RIMBP2: variants seen among roughly 807,000 people sequenced by gnomAD.
The protein encoded by RIMBP2 is RIMS-binding protein 2.
In RIMBP2, 48 loss-of-function variants were observed where a neutral mutation model predicts 118.6. The ratio of observed to expected loss-of-function variants is 0.40; its 90% confidence interval spans 0.32 to 0.51. The LOEUF is 0.51. Ranked by LOEUF, RIMBP2 falls within the 20% of genes least tolerant of loss-of-function variation. RIMBP2 has a pLI of 0.41. For synonymous variants in RIMBP2, 762 were observed against 742.9 expected (o/e 1.03, Z -0.42); for missense variants, 1,551 against 1,768.3 (o/e 0.88, Z 2.20).
intron 2 of RIMBP2, among the ~76,000 whole-genome samples, chr12:130,626,173 A>C (rs137962726): frequency 2.2e-4 from 34 of 152,362 alleles, no homozygotes; most frequent in African/African-American, 8.2e-4. Context: ...TATATCCTAC[A>C]TTGGAAAGAG....
At chr12:130,635,284 C>T (rs1481464929) in intron 1 of RIMBP2, among the ~76,000 whole-genome samples, 1 of 152,170 alleles carries the variant, frequency 6.6e-6, no homozygotes, top group Admixed American at 6.5e-5. Flanking sequence ...ACTGTCACTC[C>T]AGGAGGGGAG....
chr12:130,483,854 G>A (rs59068957), intron 4 of RIMBP2, among the ~76,000 whole-genome samples: 12,630 of 121,056 alleles, frequency 0.1, 1,271 homozygotes, highest in African/African-American at 0.25. Context: ...CACGGTGCCC[G>A]GAGCCCCCAC....
intron 1 of RIMBP2, among the ~76,000 whole-genome samples, chr12:130,635,368 T>C (rs12822490): frequency 0.057 from 8,605 of 152,284 alleles, 311 homozygotes; most frequent in Non-Finnish European, 0.078. Flanking sequence ...CTTGTTGAGA[T>C]GCCAAATGAA....
rs185080600 is a variant in RIMBP2, at chr12:130,424,759, C to T, written c.2512G>A (p.Ala838Thr). The T allele has an allele frequency of 7.5e-5, 92 of 1,232,550 alleles. 1 individual carries two copies. The Admixed American group carries it at 3.5e-3, about 47-fold the overall frequency. The allele number at this position is 1,232,550 out of a possible 1,614,324, so 76.4% of individuals were successfully genotyped here. A position where few individuals can be genotyped will look rare whatever the true frequency, so the allele number is the denominator to read the frequency against. Residue 838 changes from alanine (A) to threonine (T), a missense_variant, in exon 16 of 23, where the codon GCG becomes ACG. Ala to Thr is a moderately conservative substitution (Grantham distance 58). Around this residue, in one of 5 missense-constraint regions of RIMBP2, gnomAD observed 1,038 missense variants for 1,125.1 expected, o/e 0.92. Transcript: ENST00000690449. The surrounding 1 kb of genome is among the most constrained non-coding windows in gnomAD (Gnocchi z 9.8). Reference sequence around the variant, plus strand: ...CCACAGCACTCTCCGTCCTCTTCCGCTACTTCGGGGATACTGAAAAGTCTC... The same window carrying T: ...CCACAGCACTCTCCGTCCTCTTCCGTTACTTCGGGGATACTGAAAAGTCTC... Reference protein sequence around the residue: ...RKRLFSIPEVAEEDGECCGLL... With the variant: ...RKRLFSIPEVTEEDGECCGLL...
intron 13 of RIMBP2, among the ~76,000 whole-genome samples, chr12:130,435,314 G>T (rs1419497947): frequency 6.6e-6 from 1 of 152,114 alleles, no homozygotes; most frequent in African/African-American, 2.4e-5. Flanking sequence ...AAACTACTGG[G>T]ATTACAGGCA....
chr12:130,469,663 T>C lies in RIMBP2; in HGVS notation c.153+1030A>G, dbSNP rs1342893880. ...GGATGATAATGATGAAACCTTTTCC[T>C]GTGGGAGGAATAGACTTTAAAAGGC... is the stretch of plus-strand genomic sequence containing the variant. On this transcript the variant is annotated intron_variant, in intron 6 of 22. Coordinates refer to ENST00000690449, the MANE Select transcript of RIMBP2 (RefSeq NM_001393629.1). This position sits in a 1 kb window ranked among gnomAD's most constrained non-coding sequence, Gnocchi z 4.8. Among the ~76,000 whole-genome samples, 1 of 152,174 alleles carries C rather than the reference T, an allele frequency of 6.6e-6. No individual in the cohort carries two copies. The highest frequency in any genetic ancestry group is 6.5e-5 in the Admixed American group (1 of 15,292).
intron 9 of RIMBP2, among the ~76,000 whole-genome samples, chr12:130,448,317 C>T (rs1301415444): frequency 1.3e-5 from 2 of 152,150 alleles, no homozygotes; most frequent in Non-Finnish European, 2.9e-5. Context: ...TAGGGCAGCT[C>T]CCCCCAGAAA....
intron 2 of RIMBP2, among the ~76,000 whole-genome samples, chr12:130,598,346 T>A (rs1313919914): frequency 2.0e-5 from 3 of 151,440 alleles, no homozygotes; most frequent in Admixed American, 1.3e-4. Flanking sequence ...CCTGTCAAAA[T>A]CCAATTATGC....
intron 2 of RIMBP2, among the ~76,000 whole-genome samples, chr12:130,553,279 C>T (rs1025713137): frequency 2.0e-5 from 3 of 152,084 alleles, no homozygotes; most frequent in Admixed American, 1.3e-4. Context: ...GACACAATAA[C>T]ACATACTATT....
intron 1 of RIMBP2, among the ~76,000 whole-genome samples, chr12:130,706,527 G>T (rs899357705): frequency 1.3e-5 from 2 of 152,220 alleles, no homozygotes; most frequent in Admixed American, 6.5e-5. Flanking sequence ...GCAGCTCCCC[G>T]CACAGATGCT....
chr12:130,529,006 C>T (rs769703137), intron 2 of RIMBP2, among the ~76,000 whole-genome samples: 8 of 152,310 alleles, frequency 5.3e-5, no homozygotes, highest in South Asian at 2.1e-4. Context: ...ACAAATGTCA[C>T]GGCAGCATTA....
chr12:130,428,106 A>C, intron 15 of RIMBP2, 73 bp downstream of exon 15: 3 of 1,423,394 alleles, frequency 2.1e-6, no homozygotes, highest in Non-Finnish European at 2.8e-6. Flanking sequence ...CTGCCTCACC[A>C]GCCCCAGCAA....
chr12:130,635,835 C>G (rs2062316275), intron 1 of RIMBP2, among the ~76,000 whole-genome samples: 1 of 152,078 alleles, frequency 6.6e-6, no homozygotes, highest in Non-Finnish European at 1.5e-5. Flanking sequence ...CAACCCTTCC[C>G]CACTCTACAT....
At position 130,576,758 on chromosome 12, in the gene RIMBP2, G is replaced by A. The variant is rs1483161175; in HGVS notation, c.-217+51564C>T. On this transcript the variant is annotated intron_variant, in intron 2 of 22. Transcript: ENST00000690449. The surrounding 1 kb of genome is among the most constrained non-coding windows in gnomAD (Gnocchi z 4.2). ...CGAGAGGCATATGTGCGCACCACAT[G>A]CCACAAACACAAGCTCCGAGTCCTA... 6.6e-6 allele frequency among the ~76,000 whole-genome samples: 1 copy of A among 152,258 alleles called. No individual in the cohort carries two copies. Among genetic ancestry groups the A allele is most frequent in the Non-Finnish European group, 1.5e-5 (1 of 68,052 alleles).
At chr12:130,602,773 G>A (rs1358004617) in intron 2 of RIMBP2, among the ~76,000 whole-genome samples, 1 of 152,228 alleles carries the variant, frequency 6.6e-6, no homozygotes, top group Non-Finnish European at 1.5e-5. Context: ...TGTTAAGAAC[G>A]TGTTTCCATT....
Position 130,653,159 on chromosome 12 carries a change from C to T in RIMBP2, c.-351-24703G>A, listed in dbSNP as rs142456519. Reference sequence around the variant, plus strand: ...TTCCAGCATTTACTCAGAAGTCCCACGTCTCAAGTCCCAAGCTCTAAGTCT... The same window carrying T: ...TTCCAGCATTTACTCAGAAGTCCCATGTCTCAAGTCCCAAGCTCTAAGTCT... On this transcript the variant is annotated intron_variant, in intron 1 of 22. Transcript: ENST00000690449. Among the ~76,000 whole-genome samples, 343 of 152,348 alleles carry T rather than the reference C, an allele frequency of 2.3e-3. 2 individuals are homozygous for T. Among genetic ancestry groups the T allele is most frequent in the African/African-American group, 7.8e-3 (326 of 41,570 alleles).
intron 2 of RIMBP2, among the ~76,000 whole-genome samples, chr12:130,540,682 T>C (rs2054525702): frequency 6.6e-6 from 1 of 152,196 alleles, no homozygotes; most frequent in African/African-American, 2.4e-5. Flanking sequence ...GCTAAATTTC[T>C]TCCTGTTATG....
chr12:130,610,520 C>G (rs73156975), intron 2 of RIMBP2, among the ~76,000 whole-genome samples: 5 of 142,836 alleles, frequency 3.5e-5, no homozygotes, highest in Non-Finnish European at 4.6e-5. Flanking sequence ...GACTAACAAA[C>G]ATTTTGTGAC....
chr12:130,557,813 C>T lies in RIMBP2; in HGVS notation c.-216-39896G>A, dbSNP rs560781642. Among the ~76,000 whole-genome samples, 7 of 152,274 alleles carry T rather than the reference C, an allele frequency of 4.6e-5. No individual in the cohort carries two copies. The South Asian group carries it at 1.2e-3, about 27-fold the overall frequency. On this transcript the variant is annotated intron_variant, in intron 2 of 22. Transcript: ENST00000690449. ...CTGTAGACAAGAGTGTCACCTTGTT[C>T]GATGCCCCGCCTTCATCTAGAGACA...
Sources: gnomAD v4.1 joint callset for allele counts (sites outside exome capture counted in the v4.1 genomes callset) on GRCh38, gnomAD v4.1.1 for gene constraint, gnomAD v4.1.1 regional missense constraint, Gnocchi (gnomAD v3.1) non-coding constraint, MANE v1.5 for transcripts, NCBI Gene and HGNC (gene_info 2026-07-23, HGNC 2026-07-21) for gene names.